Variants in ESRRB observed in about 807,000 individuals in gnomAD.
ESRRB encodes estrogen related receptor beta, also known as steroid hormone receptor ERR2.
In ESRRB, 16 loss-of-function variants were observed where a neutral mutation model predicts 46.0. The ratio of observed to expected loss-of-function variants is 0.35; its 90% CI spans 0.24 to 0.53. The LOEUF (loss-of-function observed/expected upper bound fraction) is 0.53. Among genes scored for constraint, ESRRB ranks in the 20% least tolerant of loss-of-function variants. ESRRB has a pLI of 0.93. For missense variants in ESRRB, 488 were observed against 607.4 expected, an observed-to-expected ratio of 0.80 and a Z score of 2.07; for synonymous variants, 246 against 259.6, an observed-to-expected ratio of 0.95 and a Z score of 0.50.
chr14:76,438,985 G>A (rs1887791676), intron 1 of ESRRB, among the ~76,000 whole-genome samples: 1 of 150,400 alleles, frequency 6.6e-6, no homozygotes, highest in Non-Finnish European at 1.5e-5. Context: ...TTTTTTAACA[G>A]ATGGGGTCTC....
At chr14:76,463,856 C>T (rs1376027016) in intron 3 of ESRRB, among the ~76,000 whole-genome samples, 3 of 152,194 alleles carry the variant, frequency 2.0e-5, no homozygotes, top group East Asian at 1.9e-4. Flanking sequence ...TACTGATTTG[C>T]TCCTTTTTTT....
chr14:76,370,225 TAAAAAAAA>T (rs35273827), upstream of ESRRB, among the ~76,000 whole-genome samples: 1 of 140,144 alleles, frequency 7.1e-6, no homozygotes, highest in Non-Finnish European at 1.5e-5. Flanking sequence ...CCATCCCTGC[TAAAAAAAA>T]AAAAAAACAC....
intron 1 of ESRRB, among the ~76,000 whole-genome samples, chr14:76,401,830 A>G (rs1482285753): frequency 1.3e-5 from 2 of 152,202 alleles, no homozygotes; most frequent in South Asian, 2.1e-4. Context: ...CTGTGTGTGT[A>G]TATATCCTTT....
intron 1 of ESRRB, among the ~76,000 whole-genome samples, chr14:76,436,580 G>A (rs538702113): frequency 6.6e-6 from 1 of 152,304 alleles, no homozygotes; most frequent in African/African-American, 2.4e-5. Flanking sequence ...AAGTTAGGAT[G>A]TGGTCAGCTC....
intron 1 of ESRRB, among the ~76,000 whole-genome samples, chr14:76,379,506 A>C (rs1438507627): frequency 1.3e-5 from 2 of 152,238 alleles, no homozygotes; most frequent in Non-Finnish European, 2.9e-5. Flanking sequence ...ATTAATTTTT[A>C]ATGGTACATT....
At chr14:76,408,625 C>CACT (rs1886302863) in intron 1 of ESRRB, among the ~76,000 whole-genome samples, 1 of 143,624 alleles carries the variant, frequency 7.0e-6, no homozygotes, top group African/African-American at 2.7e-5. Flanking sequence ...AAAAGATAAG[C>CACT]ACTACATAGA....
chr14:76,362,358 C>T (rs1884475065), intron 1 of ESRRB, among the ~76,000 whole-genome samples: 1 of 152,142 alleles, frequency 6.6e-6, no homozygotes, highest in Non-Finnish European at 1.5e-5. Context: ...CTCTTATTTA[C>T]CAACATCAAC....
chr14:76,385,861 A>T (rs1168793250), intron 1 of ESRRB, among the ~76,000 whole-genome samples: 2 of 152,208 alleles, frequency 1.3e-5, no homozygotes, highest in African/African-American at 4.8e-5. Flanking sequence ...CTTTTCCCAG[A>T]ACTACAGAAA....
At chr14:76,355,978 G>T (rs958053502) in intron 1 of ESRRB, among the ~76,000 whole-genome samples, 1 of 152,222 alleles carries the variant, frequency 6.6e-6, no homozygotes, top group African/African-American at 2.4e-5. Flanking sequence ...GGCTGCAGGG[G>T]ACTCTCTGGG....
intron 1 of ESRRB, among the ~76,000 whole-genome samples, chr14:76,399,119 G>A (rs1885826254): frequency 1.3e-5 from 2 of 152,168 alleles, no homozygotes; most frequent in Admixed American, 1.3e-4. Flanking sequence ...AACAGCAGAT[G>A]TGGATGGTCT....
intron 1 of ESRRB, among the ~76,000 whole-genome samples, chr14:76,397,006 C>T (rs1000140147): frequency 6.6e-6 from 1 of 152,178 alleles, no homozygotes; most frequent in Admixed American, 6.5e-5. Context: ...GCCAGCCGCC[C>T]GGGCACGGAC....
At chr14:76,422,866 G>C (rs1164963325) in intron 1 of ESRRB, among the ~76,000 whole-genome samples, 1 of 152,222 alleles carries the variant, frequency 6.6e-6, no homozygotes, top group Non-Finnish European at 1.5e-5. Context: ...CCTCTCTCAA[G>C]GGCAGGGGGC....
chr14:76,382,140 G>A (rs1038302158), intron 1 of ESRRB, among the ~76,000 whole-genome samples: 3 of 152,192 alleles, frequency 2.0e-5, no homozygotes, highest in Non-Finnish European at 2.9e-5. Context: ...AGTTTCCACC[G>A]TGGGAAACCT....
At chr14:76,363,956 G>A (rs1884493625) in intron 1 of ESRRB, among the ~76,000 whole-genome samples, 1 of 152,200 alleles carries the variant, frequency 6.6e-6, no homozygotes, top group Admixed American at 6.5e-5. Context: ...AATAAAAGGA[G>A]TGATGACACC....
chr14:76,457,777 A>G (rs1888674195), intron 2 of ESRRB, among the ~76,000 whole-genome samples: 1 of 152,036 alleles, frequency 6.6e-6, no homozygotes, highest in African/African-American at 2.4e-5. Context: ...GGTTTAAGCG[A>G]TTCTCCTGCC....
intron 1 of ESRRB, among the ~76,000 whole-genome samples, chr14:76,398,172 T>A (rs889826011): frequency 2.0e-5 from 3 of 152,248 alleles, no homozygotes; most frequent in Non-Finnish European, 2.9e-5. Context: ...CAGTGTATCG[T>A]GCATTACCCA....
chr14:76,470,397 C>T (rs999510476), intron 3 of ESRRB, among the ~76,000 whole-genome samples: 1 of 152,198 alleles, frequency 6.6e-6, no homozygotes, highest in Non-Finnish European at 1.5e-5. Context: ...CAATCCCAGA[C>T]TGGCTGGCAG....
intron 1 of ESRRB, among the ~76,000 whole-genome samples, chr14:76,359,244 C>T (rs1440557589): frequency 6.6e-6 from 1 of 152,200 alleles, no homozygotes; most frequent in African/African-American, 2.4e-5. Flanking sequence ...CTACTGATGT[C>T]TTCCAAAAAC....
chr14:76,380,058 CT>C (rs1884946552), intron 1 of ESRRB, among the ~76,000 whole-genome samples: 1 of 152,272 alleles, frequency 6.6e-6, no homozygotes, highest in African/African-American at 2.4e-5. Flanking sequence ...CAGAGCACCC[CT>C]GGCCCTAGCT....
Sources: gnomAD v4.1 joint callset for allele counts (sites outside exome capture counted in the v4.1 genomes callset) on GRCh38, gnomAD v4.1.1 for gene constraint, MANE v1.5 for transcripts, NCBI Gene and HGNC (gene_info 2026-07-23, HGNC 2026-07-21) for gene names.